CADPS2: variants seen among roughly 807,000 people sequenced by gnomAD.
The protein encoded by CADPS2 is calcium-dependent secretion activator 2.
In CADPS2, 93 loss-of-function variants were observed where a neutral mutation model predicts 172.5. The observed-to-expected ratio is 0.54, with a 90% CI of 0.46 to 0.64. The LOEUF is 0.64. Ranked by LOEUF, CADPS2 falls within the 30% of genes least tolerant of loss-of-function variation. The probability of loss-of-function intolerance (pLI) is 0.00; values close to 1 mark genes in which losing one functional copy is unlikely to be tolerated. For synonymous variants in CADPS2, 546 were observed against 555.2 expected, an observed-to-expected ratio of 0.98 and a Z score of 0.23; for missense variants, 1,420 against 1,565.9, an observed-to-expected ratio of 0.91 and a Z score of 1.57.
At chr7:122,581,106 G>A in intron 7 of CADPS2, 73 bp downstream of exon 7, 1 of 1,057,590 alleles carries the variant, frequency 9.5e-7, no homozygotes, top group Non-Finnish European at 1.5e-6. Flanking sequence ...ATGGCATACT[G>A]ATCTACCTTA....
chr7:122,369,171 G>A (rs1261448604), intron 25 of CADPS2, among the ~76,000 whole-genome samples: 18 of 110,492 alleles, frequency 1.6e-4, no homozygotes, highest in South Asian at 5.5e-4. Flanking sequence ...TCGCTCTGTC[G>A]CCCAGGCTGG....
intron 14 of CADPS2, among the ~76,000 whole-genome samples, chr7:122,465,497 C>T (rs1282732510): frequency 6.6e-6 from 1 of 152,136 alleles, no homozygotes; most frequent in African/African-American, 2.4e-5. Flanking sequence ...CTGACTTCCA[C>T]CTCCTGTCAG....
rs544344179 is a variant in CADPS2 at position 122,708,772 on chromosome 7, T to C, written c.453+28183A>G. Among the ~76,000 whole-genome samples, 354 of 151,858 alleles carry C rather than the reference T, an allele frequency of 2.3e-3. 1 individual carries two copies. Among genetic ancestry groups the C allele is most frequent in the Non-Finnish European group, 4.2e-3 (282 of 67,890 alleles). ...TAAATTGAAAACAATTTTTTCCTTA[T>C]TCAGTCTACCGATTTAGAAGATAGA... On this transcript the variant is annotated intron_variant, in intron 2 of 29. Coordinates refer to ENST00000449022, the MANE Select transcript of CADPS2 (RefSeq NM_017954.11).
At chr7:122,529,605 C>G (rs185758775) in intron 8 of CADPS2, among the ~76,000 whole-genome samples, 2 of 152,064 alleles carry the variant, frequency 1.3e-5, no homozygotes. Flanking sequence ...GGAGGAAAAT[C>G]AGCCTTTGGA....
chr7:122,327,031 T>C (rs2034006536), intron 28 of CADPS2, among the ~76,000 whole-genome samples: 1 of 152,078 alleles, frequency 6.6e-6, no homozygotes, highest in South Asian at 2.1e-4. Context: ...GTTATTCCTG[T>C]ATCTAATTTT....
chr7:122,611,548 C>T (rs1563851465), intron 6 of CADPS2, among the ~76,000 whole-genome samples: 2 of 151,950 alleles, frequency 1.3e-5, no homozygotes, highest in African/African-American at 4.8e-5. Flanking sequence ...AAAAGAAAGA[C>T]AATGAATAGA....
intron 1 of CADPS2, among the ~76,000 whole-genome samples, chr7:122,827,953 T>C (rs951874603): frequency 6.6e-6 from 1 of 152,240 alleles, no homozygotes; most frequent in Non-Finnish European, 1.5e-5. Context: ...ACATTTTCTA[T>C]GACCTTGCTG....
chr7:122,464,995 T>C (rs2054952281), intron 14 of CADPS2, among the ~76,000 whole-genome samples: 1 of 152,166 alleles, frequency 6.6e-6, no homozygotes. Flanking sequence ...TTTTAGTAAC[T>C]TTTCTGTAAT....
intron 3 of CADPS2, among the ~76,000 whole-genome samples, chr7:122,657,068 C>A (rs2079890847): frequency 6.6e-6 from 1 of 152,134 alleles, no homozygotes; most frequent in Non-Finnish European, 1.5e-5. Context: ...AATAGGGAAT[C>A]CTTTCCCCAT....
intron 1 of CADPS2, among the ~76,000 whole-genome samples, chr7:122,816,065 AATT>A (rs755604263): frequency 1.3e-5 from 2 of 152,182 alleles, no homozygotes; most frequent in East Asian, 1.9e-4. Flanking sequence ...ATATACAATA[AATT>A]ATTATTAACT....
intron 29 of CADPS2, among the ~76,000 whole-genome samples, chr7:122,324,409 CTT>C (rs550410049): frequency 1.8e-3 from 275 of 152,236 alleles, no homozygotes; most frequent in Non-Finnish European, 3.4e-3. Context: ...CACAGTGGGT[CTT>C]TGAAAACTTT....
intron 27 of CADPS2, among the ~76,000 whole-genome samples, chr7:122,350,997 T>C (rs1197210120): frequency 6.6e-6 from 1 of 151,478 alleles, no homozygotes; most frequent in Non-Finnish European, 1.5e-5. Context: ...AGGAAGAAAT[T>C]TAAACAACGA....
At chr7:122,573,412 C>T (rs2067538380) in intron 7 of CADPS2, among the ~76,000 whole-genome samples, 1 of 151,942 alleles carries the variant, frequency 6.6e-6, no homozygotes, top group Non-Finnish European at 1.5e-5. Flanking sequence ...TAGTGGCATA[C>T]AACAGTAGTC....
Position 122,886,161 on chromosome 7 carries a change from C to A in CADPS2, c.177G>T (p.Pro59=). The part of the protein sequence containing the change: ...GGGGAARSVS[P]SPSVLSEGRD... ...GCCCCTCGCTGAGCACAGAGGGGCT[C>A]GGGCTCACAGATCTGGCCGCGCCGC... The change falls in exon 1 of 30, where the codon CCG becomes CCT. Residue 59 remains proline, a synonymous_variant. Coordinates refer to ENST00000449022, the MANE Select transcript of CADPS2 (RefSeq NM_017954.11). The A allele has an allele frequency of 6.5e-7, 1 of 1,532,390 alleles. No homozygotes were observed. Among genetic ancestry groups the A allele is most frequent in the African/African-American group, 1.4e-5 (1 of 71,048 alleles). 94.9% of individuals were successfully genotyped at this position (1,532,390 alleles called of 1,614,324 possible).
intron 1 of CADPS2, among the ~76,000 whole-genome samples, chr7:122,830,707 GCAAA>G (rs904753612): frequency 1.4e-4 from 21 of 152,228 alleles, no homozygotes; most frequent in East Asian, 3.9e-4. Context: ...TCATCATAAA[GCAAA>G]CAATCTGTGG....
At chr7:122,476,104 T>C (rs2056591912) in intron 12 of CADPS2, among the ~76,000 whole-genome samples, 1 of 152,106 alleles carries the variant, frequency 6.6e-6, no homozygotes. Flanking sequence ...TTTATAAAAT[T>C]GGAAGATTCT....
intron 28 of CADPS2, among the ~76,000 whole-genome samples, chr7:122,338,677 A>G (rs1160387493): frequency 6.6e-6 from 1 of 152,216 alleles, no homozygotes; most frequent in Non-Finnish European, 1.5e-5. Flanking sequence ...AAGACCATAT[A>G]ACAACTATAC....
chr7:122,348,677 C>T (rs998046912), intron 27 of CADPS2, among the ~76,000 whole-genome samples: 1 of 152,168 alleles, frequency 6.6e-6, no homozygotes, highest in Non-Finnish European at 1.5e-5. Flanking sequence ...GGGAATTTCA[C>T]ACCTAGTGAA....
At chr7:122,610,780 G>A (rs2074197587) in intron 6 of CADPS2, among the ~76,000 whole-genome samples, 2 of 152,026 alleles carry the variant, frequency 1.3e-5, no homozygotes, top group Admixed American at 1.3e-4. Context: ...AAATCTCATG[G>A]ATTAGTAGAG....
Sources: gnomAD v4.1 joint callset for allele counts (sites outside exome capture counted in the v4.1 genomes callset) on GRCh38, gnomAD v4.1.1 for gene constraint, MANE v1.5 for transcripts, NCBI Gene and HGNC (gene_info 2026-07-23, HGNC 2026-07-21) for gene names.